RANBP2: variants seen among roughly 807,000 people sequenced by gnomAD.
RANBP2 encodes the protein E3 SUMO-protein ligase RanBP2.
In RANBP2, 57 loss-of-function variants were observed where a neutral mutation model predicts 303.6. That is an observed-to-expected ratio of 0.19 (90% confidence interval 0.15 to 0.23). The LOEUF (loss-of-function observed/expected upper bound fraction) is 0.23. Among genes scored for constraint, RANBP2 ranks in the 10% least tolerant of loss-of-function variants. The pLI is 1.00. For synonymous variants in RANBP2, 1,167 were observed against 1,301.5 expected (o/e 0.90, Z 2.23); for missense variants, 3,138 against 3,780.8 (o/e 0.83, Z 4.46).
chr2:109,591,231 G>C, the RANBP2 span, among the ~76,000 whole-genome samples: 2 of 152,180 alleles, frequency 1.3e-5, no homozygotes, highest in African/African-American at 4.8e-5. Context: ...TGTTAAAGTT[G>C]TTATCTGATA....
chr2:109,539,686 C>T, the RANBP2 span, among the ~76,000 whole-genome samples: 5 of 152,140 alleles, frequency 3.3e-5, no homozygotes, highest in East Asian at 5.8e-4. Context: ...TCAGGTGATC[C>T]GCCCACCTTG....
At chr2:108,884,757 G>T in the RANBP2 span, 1 of 152,152 alleles carries the variant, frequency 6.6e-6, no homozygotes, top group African/African-American at 2.4e-5. Flanking sequence ...CTTCCAGCTG[G>T]GAAAGGCCAC....
the RANBP2 span, chr2:108,882,413 C>T: frequency 6.6e-6 from 1 of 152,146 alleles, no homozygotes; most frequent in Non-Finnish European, 1.5e-5. Flanking sequence ...GCAGAGCTCA[C>T]ACCCTTCTGA....
chr2:108,910,331 T>G, the RANBP2 span: 30 of 743,768 alleles, frequency 4.0e-5, no homozygotes, highest in Non-Finnish European at 6.5e-5. Flanking sequence ...GTGGGGACTG[T>G]CTGTCGCCGA....
chr2:108,875,764 T>C, the RANBP2 span, among the ~76,000 whole-genome samples: 1 of 152,116 alleles, frequency 6.6e-6, no homozygotes, highest in Non-Finnish European at 1.5e-5. Context: ...GAGGCTGAGA[T>C]GGGAGGATTG....
the RANBP2 span, among the ~76,000 whole-genome samples, chr2:109,268,599 A>C: frequency 6.6e-6 from 1 of 152,160 alleles, no homozygotes; most frequent in Non-Finnish European, 1.5e-5. Context: ...GAGGTCCCCC[A>C]CTGAACAATT....
At chr2:109,343,227 T>C in the RANBP2 span, among the ~76,000 whole-genome samples, 1 of 152,190 alleles carries the variant, frequency 6.6e-6, no homozygotes, top group Non-Finnish European at 1.5e-5. Flanking sequence ...GACTAATTAG[T>C]TAATCTTATA....
At chr2:108,846,923 C>CTCAA in the RANBP2 span, 2 of 1,580,842 alleles carry the variant, frequency 1.3e-6, no homozygotes, top group Non-Finnish European at 8.7e-7. Context: ...TCAAAACAGT[C>CTCAA]ACTCAAGGTA....
chr2:109,163,547 C>T, the RANBP2 span, among the ~76,000 whole-genome samples: 6 of 150,648 alleles, frequency 4.0e-5, no homozygotes, highest in South Asian at 2.1e-4. Context: ...TACAGGCGCC[C>T]GCCACTACGC....
At chr2:109,220,609 G>A in the RANBP2 span, among the ~76,000 whole-genome samples, 1 of 152,212 alleles carries the variant, frequency 6.6e-6, no homozygotes, top group East Asian at 1.9e-4. Flanking sequence ...AATGGGTCAA[G>A]GTTTTCAGTA....
At chr2:109,574,062 T>C in the RANBP2 span, among the ~76,000 whole-genome samples, 8 of 152,308 alleles carry the variant, frequency 5.3e-5, 2 homozygotes, top group Admixed American at 6.5e-5. Flanking sequence ...TAAAATTTTA[T>C]TGCAATATTC....
the RANBP2 span, among the ~76,000 whole-genome samples, chr2:109,631,244 CT>C: frequency 0.054 from 8,180 of 152,070 alleles, 311 homozygotes; most frequent in Middle Eastern, 0.1. Context: ...GATAAGTCAC[CT>C]TGTGGCAGAG....
chr2:109,175,794 G>A, the RANBP2 span, among the ~76,000 whole-genome samples: 1 of 152,198 alleles, frequency 6.6e-6, no homozygotes, highest in Admixed American at 6.5e-5. Context: ...AGAGTAAGGA[G>A]TAATTCATCT....
chr2:109,244,509 A>G, the RANBP2 span, among the ~76,000 whole-genome samples: 2 of 152,198 alleles, frequency 1.3e-5, no homozygotes, highest in African/African-American at 4.8e-5. Context: ...GTGAGATTGA[A>G]AATTAAATTT....
the RANBP2 span, among the ~76,000 whole-genome samples, chr2:108,802,438 G>A: frequency 5.6e-5 from 8 of 142,062 alleles, no homozygotes; most frequent in African/African-American, 8.6e-5. Context: ...TTTGTCTGTT[G>A]TTGGTGTATA....
At position 108,719,653 on chromosome 2, in the gene RANBP2, A is replaced by C. The variant is rs1364995726; in HGVS notation, c.47A>C (p.Gln16Pro). Residue 16 changes from glutamine (Q) to proline (P), a missense_variant, in exon 1 of 29, where the codon CAG becomes CCG. Around this residue, in one of 20 missense-constraint regions of RANBP2, gnomAD observed 306 missense variants for 381.9 expected, o/e 0.80. Transcript: ENST00000283195. Reference protein sequence around the residue: ...ADVERYIASVQGSTPSPRQKS... With the variant: ...ADVERYIASVPGSTPSPRQKS... ...GTGGAGCGGTACATCGCCTCGGTGC[A>C]GGGCTCCACCCCGTCGCCTCGACAG... The C allele has an allele frequency of 1.2e-6, 2 of 1,607,474 alleles. No individual in the cohort carries two copies. The highest frequency in any genetic ancestry group is 3.4e-5 in the Admixed American group (2 of 59,324).
chr2:109,617,595 TAAGG>T, the RANBP2 span: 4 of 166,994 alleles, frequency 2.4e-5, no homozygotes, highest in Non-Finnish European at 4.4e-5. Context: ...GCCTACAGGA[TAAGG>T]AAGTTCACAG....
chr2:109,068,004 G>A, the RANBP2 span, among the ~76,000 whole-genome samples: 1 of 152,170 alleles, frequency 6.6e-6, no homozygotes, highest in African/African-American at 2.4e-5. Context: ...CTCCTGGAAT[G>A]CACATCCCCA....
chr2:109,717,271 CCA>C, the RANBP2 span, among the ~76,000 whole-genome samples: 4 of 80,866 alleles, frequency 4.9e-5, 1 homozygote, highest in East Asian at 9.4e-4. Context: ...TAAAAACAAA[CCA>C]AAAAAAAAAA....
Sources: gnomAD v4.1 joint callset for allele counts (sites outside exome capture counted in the v4.1 genomes callset) on GRCh38, gnomAD v4.1.1 for gene constraint, gnomAD v4.1.1 regional missense constraint, MANE v1.5 for transcripts, NCBI Gene and HGNC (gene_info 2026-07-23, HGNC 2026-07-21) for gene names.